OPCML: variants seen among roughly 807,000 people sequenced by gnomAD.
The protein encoded by OPCML is opioid binding protein/cell adhesion molecule like.
A neutral mutation model predicts 37.8 loss-of-function variants in OPCML; 13 were observed. The ratio of observed to expected loss-of-function variants is 0.34; its 90% CI spans 0.22 to 0.55. OPCML has a LOEUF of 0.55. OPCML is among the 20% of genes least tolerant of loss of function. OPCML has a pLI of 0.91. For missense variants in OPCML, 341 were observed against 435.6 expected (o/e 0.78, Z 1.93); for synonymous variants, 176 against 168.8 (o/e 1.04, Z -0.33).
At chr11:133,343,044 G>T (rs767274030) in intron 1 of OPCML, among the ~76,000 whole-genome samples, 3 of 152,078 alleles carry the variant, frequency 2.0e-5, no homozygotes, top group Non-Finnish European at 2.9e-5. Flanking sequence ...ACCCAGGCTG[G>T]CCTTGACCTC....
At chr11:132,830,276 C>G (rs1591668030) in intron 2 of OPCML, among the ~76,000 whole-genome samples, 1 of 152,336 alleles carries the variant, frequency 6.6e-6, no homozygotes, top group East Asian at 1.9e-4. Flanking sequence ...GCCAACTTCT[C>G]TGAGCTTTTT....
At chr11:132,831,883 CA>C (rs1218002547) in intron 2 of OPCML, among the ~76,000 whole-genome samples, 2 of 152,098 alleles carry the variant, frequency 1.3e-5, no homozygotes, top group Non-Finnish European at 2.9e-5. Context: ...CATTAAACAG[CA>C]ATCACTTTGT....
In OPCML at chr11:133,173,869, G is replaced by A. The variant is rs910092848; in HGVS notation, c.62-230859C>T. Among the ~76,000 whole-genome samples, 4 of 152,270 alleles carry A rather than the reference G, an allele frequency of 2.6e-5. No individual in the cohort carries two copies. Among genetic ancestry groups the A allele is most frequent in the Non-Finnish European group, 5.9e-5 (4 of 68,024 alleles). On this transcript the variant is annotated intron_variant, in intron 1 of 7. Transcript: ENST00000524381. This position sits in a 1 kb window ranked among gnomAD's most constrained non-coding sequence, Gnocchi z 7.8. ...GAGGCAAATAATGAAGTTGATAAAT[G>A]GGTCTGCACTCTGAGGGCTGGAATG...
chr11:133,346,729 G>A (rs570641947), intron 1 of OPCML, among the ~76,000 whole-genome samples: 1 of 152,292 alleles, frequency 6.6e-6, no homozygotes, highest in African/African-American at 2.4e-5. Context: ...TGGGTTCCAA[G>A]CCTCGTTTTA....
At chr11:133,164,692 T>G (rs1231067839) in intron 1 of OPCML, among the ~76,000 whole-genome samples, 2 of 152,242 alleles carry the variant, frequency 1.3e-5, no homozygotes, top group Non-Finnish European at 2.9e-5. Flanking sequence ...CTGTTCAATT[T>G]ATTCCTCAAT....
At chr11:132,949,212 G>GAA (rs150372223) in intron 1 of OPCML, among the ~76,000 whole-genome samples, 5,269 of 152,294 alleles carry the variant, frequency 0.035, 123 homozygotes, top group Middle Eastern at 0.061. Flanking sequence ...ACCCACCTGG[G>GAA]AAAAACACCT....
At chr11:132,710,467 A>G (rs1310907971) in intron 2 of OPCML, among the ~76,000 whole-genome samples, 1 of 152,232 alleles carries the variant, frequency 6.6e-6, no homozygotes, top group African/African-American at 2.4e-5. Flanking sequence ...GACTGTGCCC[A>G]AAGTTGCTCA....
At chr11:132,735,493 G>GTT (rs911319593) in intron 2 of OPCML, among the ~76,000 whole-genome samples, 2 of 151,634 alleles carry the variant, frequency 1.3e-5, no homozygotes, top group Non-Finnish European at 2.9e-5. Flanking sequence ...TGTTGTTGTT[G>GTT]TTTTTTTTCT....
chr11:133,211,576 A>C lies in OPCML; in HGVS notation c.62-268566T>G, dbSNP rs1305676869. 6.6e-6 allele frequency among the ~76,000 whole-genome samples: 1 copy of C among 152,182 alleles called. No homozygotes were observed. The highest frequency in any genetic ancestry group is 2.4e-5 in the African/African-American group (1 of 41,450). On this transcript the variant is annotated intron_variant, in intron 1 of 7. Transcript: ENST00000524381. The surrounding 1 kb of genome is among the most constrained non-coding windows in gnomAD (Gnocchi z 4.1). Reference sequence around the variant, plus strand: ...GAAGGTTCTGTAACTATGCTTTGGCATCAACAGTGGAACATGGTTTCCTAG... The same window carrying C: ...GAAGGTTCTGTAACTATGCTTTGGCCTCAACAGTGGAACATGGTTTCCTAG...
intron 2 of OPCML, among the ~76,000 whole-genome samples, chr11:132,874,226 A>T (rs1167709829): frequency 6.6e-6 from 1 of 152,118 alleles, no homozygotes; most frequent in African/African-American, 2.4e-5. Flanking sequence ...CATCTTTATT[A>T]TTTTCAGTGA....
intron 2 of OPCML, among the ~76,000 whole-genome samples, chr11:132,937,273 T>C (rs930595833): frequency 1.3e-5 from 2 of 152,028 alleles, no homozygotes; most frequent in African/African-American, 4.8e-5. Flanking sequence ...GGCAGAGTCC[T>C]TTTTTAGAAA....
At chr11:132,740,284 T>C (rs1945395199) in intron 2 of OPCML, among the ~76,000 whole-genome samples, 1 of 152,238 alleles carries the variant, frequency 6.6e-6, no homozygotes, top group Admixed American at 6.5e-5. Context: ...CCCTTGGCTA[T>C]TGGCTCCATG....
At chr11:133,138,938 A>T (rs1208385325) in intron 1 of OPCML, among the ~76,000 whole-genome samples, 1 of 152,122 alleles carries the variant, frequency 6.6e-6, no homozygotes, top group Non-Finnish European at 1.5e-5. Flanking sequence ...ATTGACATGA[A>T]CCTCCTACCC....
At chr11:132,951,396 A>G (rs1208233177) in intron 1 of OPCML, among the ~76,000 whole-genome samples, 24 of 152,210 alleles carry the variant, frequency 1.6e-4, no homozygotes. Context: ...CACGTGGGGA[A>G]GAAAACTCTC....
At chr11:132,841,557 G>A (rs1489758135) in intron 2 of OPCML, among the ~76,000 whole-genome samples, 1 of 152,124 alleles carries the variant, frequency 6.6e-6, no homozygotes, top group Non-Finnish European at 1.5e-5. Context: ...CTTCAGTTGA[G>A]GATAGGCAAC....
intron 1 of OPCML, among the ~76,000 whole-genome samples, chr11:133,203,902 C>A (rs1382086581): frequency 6.6e-6 from 1 of 151,560 alleles, no homozygotes; most frequent in African/African-American, 2.4e-5. Context: ...ACTAAAAATA[C>A]AGAAAATTAG....
chr11:133,252,565 G>T (rs1460631634), intron 1 of OPCML, among the ~76,000 whole-genome samples: 1 of 152,078 alleles, frequency 6.6e-6, no homozygotes, highest in African/African-American at 2.4e-5. Flanking sequence ...TAGTTCAGAT[G>T]GTTCCCAGAG....
At chr11:133,080,921 T>C (rs937585370) in intron 1 of OPCML, among the ~76,000 whole-genome samples, 5 of 152,142 alleles carry the variant, frequency 3.3e-5, no homozygotes, top group African/African-American at 9.7e-5. Context: ...TCTCGGAGTC[T>C]AGTGGGGACA....
At chr11:133,060,764 C>G (rs1424118813) in intron 1 of OPCML, among the ~76,000 whole-genome samples, 1 of 152,254 alleles carries the variant, frequency 6.6e-6, no homozygotes, top group Non-Finnish European at 1.5e-5. Flanking sequence ...GCTGGGAACG[C>G]TGCACACAGC....
Sources: gnomAD v4.1 joint callset for allele counts (sites outside exome capture counted in the v4.1 genomes callset) on GRCh38, gnomAD v4.1.1 for gene constraint, Gnocchi (gnomAD v3.1) non-coding constraint, MANE v1.5 for transcripts, NCBI Gene and HGNC (gene_info 2026-07-23, HGNC 2026-07-21) for gene names.